Variants in SERTAD4 observed in about 807,000 individuals in gnomAD.
SERTAD4 encodes the protein SERTA domain containing 4.
Under a neutral mutation model 32.9 loss-of-function variants are expected in SERTAD4, and 18 were observed. The observed-to-expected ratio is 0.55, with a 90% CI of 0.38 to 0.81. The LOEUF (loss-of-function observed/expected upper bound fraction) is 0.81. Ranked by LOEUF, SERTAD4 falls within the 30% of genes least tolerant of loss-of-function variation. The pLI, the probability that SERTAD4 is intolerant of heterozygous loss-of-function variation, is 0.00. For missense variants in SERTAD4, 383 were observed against 426.0 expected (o/e 0.90, Z 0.89); for synonymous variants, 150 against 156.4 (o/e 0.96, Z 0.30).
At chr1:210,239,096 T>C (rs1208970693) in intron 2 of SERTAD4, among the ~76,000 whole-genome samples, 1 of 151,768 alleles carries the variant, frequency 6.6e-6, no homozygotes, top group African/African-American at 2.4e-5. Context: ...TTATCAGTGG[T>C]TACAGTTAAA....
chr1:210,238,577 C>T (rs1315869864), intron 2 of SERTAD4, among the ~76,000 whole-genome samples: 3 of 152,134 alleles, frequency 2.0e-5, no homozygotes, highest in Non-Finnish European at 2.9e-5. Flanking sequence ...TTTGTTAACC[C>T]ATTTATGCCC....
chr1:210,236,216 T>A lies in SERTAD4; in HGVS notation c.-17-1728T>A, dbSNP rs191094842. Among the ~76,000 whole-genome samples, 8 of 152,388 alleles carry A rather than the reference T, an allele frequency of 5.2e-5. No individual in the cohort carries two copies. In the East Asian group the frequency reaches 1.5e-3, roughly 29 times the overall value. On this transcript the variant is annotated intron_variant, in intron 1 of 3. Transcript: ENST00000367012. ...AAAATAAATGACATGTCCCATCGTT[T>A]CTTTGTAAAGATTTAATCGAACCTT...
In SERTAD4 at chr1:210,242,329, A is replaced by G. The variant is rs768868389; in HGVS notation, c.1063A>G (p.Lys355Glu). The G allele has an allele frequency of 3.2e-6, 5 of 1,564,530 alleles. No individual in the cohort carries two copies. The highest frequency in any genetic ancestry group is 2.0e-5 in the Admixed American group (1 of 50,446). ...CAAACTGTGCTGCAGCAAAGGAAGTAAAATATGAGCCATCTTCTCACCGAA... is the reference window on the plus strand; with the variant it reads ...CAAACTGTGCTGCAGCAAAGGAAGTGAAATATGAGCCATCTTCTCACCGAA... ...SNKLCCSKGS[K>E]I Residue 355 changes from lysine (K) to glutamate (E), a missense_variant, in exon 4 of 4, where the codon AAA becomes GAA. Around this residue, in one of 3 missense-constraint regions of SERTAD4, gnomAD observed 180 missense variants for 190.6 expected, o/e 0.94. Transcript: ENST00000367012. The surrounding 1 kb of genome is among the most constrained non-coding windows in gnomAD (Gnocchi z 4.0).
chr1:210,242,072 A>G lies in SERTAD4; in HGVS notation c.806A>G (p.Asn269Ser). 6.2e-7 allele frequency: 1 copy of G among 1,614,176 alleles called. No individual in the cohort carries two copies. The highest frequency in any genetic ancestry group is 8.5e-7 in the Non-Finnish European group (1 of 1,180,040). The change falls in exon 4 of 4, where the codon AAT (asparagine) becomes AGT (serine). Residue 269 changes from asparagine to serine, a missense_variant. Physicochemically the swap from Asn to Ser is conservative, Grantham distance 46 (BLOSUM62 1). Coordinates refer to ENST00000367012, the MANE Select transcript of SERTAD4 (RefSeq NM_019605.5). The surrounding 1 kb of genome is among the most constrained non-coding windows in gnomAD (Gnocchi z 4.0). ...CCTGCCAATGAAATCTTTGTCACTA[A>G]TGTCAGATCACTTGGTGTTCAGGAA... ...QIPANEIFVTNVRSLGVQEKA... is the reference protein window; with the variant it reads ...QIPANEIFVTSVRSLGVQEKA...
At position 210,242,702 on chromosome 1, in the gene SERTAD4, T is replaced by G. The variant is rs983054825; in HGVS notation, c.*365T>G. 8.8e-6 allele frequency: 9 copies of G among 1,019,768 alleles called. No individual in the cohort carries two copies. The highest frequency in any genetic ancestry group is 4.8e-4 in the Middle Eastern group (1 of 2,094). The allele number at this position is 1,019,768 out of a possible 1,614,324, so 63.2% of individuals were successfully genotyped here. A position where few individuals can be genotyped will look rare whatever the true frequency, so the allele number is the denominator to read the frequency against. ...AAATTTCTACATGTTTGCCAGTTAA[T>G]TAGGGAGTTATTTGGTAAGCAAATC... On this transcript the variant is annotated 3_prime_UTR_variant, in exon 4 of 4. Coordinates refer to ENST00000367012, the MANE Select transcript of SERTAD4 (RefSeq NM_019605.5). The surrounding 1 kb of genome is among the most constrained non-coding windows in gnomAD (Gnocchi z 4.0).
rs757669368 is a variant in SERTAD4 at position 210,242,089 on chromosome 1, G to A, written c.823G>A (p.Val275Ile). 12 of 1,614,164 alleles carry A rather than the reference G, an allele frequency of 7.4e-6. No individual in the cohort carries two copies. The highest frequency in any genetic ancestry group is 1.1e-5 in the South Asian group (1 of 91,080). ...TGTCACTAATGTCAGATCACTTGGT[G>A]TTCAGGAAAAGGCCAAATTAAATGA... ...IFVTNVRSLG[V>I]QEKAKLNDEK... Residue 275 changes from valine to isoleucine, a missense_variant, in exon 4 of 4, where the codon GTT (valine) becomes ATT (isoleucine). Val to Ile is a conservative substitution (Grantham distance 29). Around this residue, in one of 3 missense-constraint regions of SERTAD4, gnomAD observed 180 missense variants for 190.6 expected, o/e 0.94. Transcript: ENST00000367012. The surrounding 1 kb of genome is among the most constrained non-coding windows in gnomAD (Gnocchi z 4.0).
intron 1 of SERTAD4, among the ~76,000 whole-genome samples, chr1:210,234,680 T>C (rs767415144): frequency 6.6e-6 from 1 of 152,170 alleles, no homozygotes; most frequent in Non-Finnish European, 1.5e-5. Flanking sequence ...GGAATCAGAC[T>C]GCTAACTGCT....
rs894984775 is a variant in SERTAD4, at chr1:210,242,959, G to T, written c.*622G>T. On this transcript the variant is annotated 3_prime_UTR_variant, in exon 4 of 4. Coordinates refer to ENST00000367012, the MANE Select transcript of SERTAD4 (RefSeq NM_019605.5). The surrounding 1 kb of genome is among the most constrained non-coding windows in gnomAD (Gnocchi z 4.0). ...GGTATTCCCTGCAAGTTTCTGGCTT[G>T]CCTGTGATGGGTGATGAGGCTTTTA... The T allele has an allele frequency of 2.4e-5, 24 of 985,684 alleles. No individual in the cohort carries two copies. The South Asian group carries it at 6.6e-4, about 27-fold the overall frequency. 61.1% of individuals were successfully genotyped at this position (985,684 alleles called of 1,614,324 possible).
rs978670026 is a variant in SERTAD4, at chr1:210,244,992, TC to T, written c.*2657del. The T allele has an allele frequency of 7.7e-4, 117 of 152,306 alleles. 1 individual carries two copies. Among genetic ancestry groups the T allele is most frequent in the African/African-American group, 2.8e-3 (116 of 41,568 alleles). The allele number at this position is 152,306 out of a possible 1,614,324, so 9.4% of individuals were successfully genotyped here. A position where few individuals can be genotyped will look rare whatever the true frequency, so the allele number is the denominator to read the frequency against. ...GTTAGTAGGCGAGAGTGCTAGGACT[TC>T]CTGTGTTCACCTCCCATGCACCCAG... On this transcript the variant is annotated 3_prime_UTR_variant, in exon 4 of 4. Coordinates refer to ENST00000367012, the MANE Select transcript of SERTAD4 (RefSeq NM_019605.5).
At chr1:210,234,372 C>A (rs2083920401) in intron 1 of SERTAD4, among the ~76,000 whole-genome samples, 1 of 152,246 alleles carries the variant, frequency 6.6e-6, no homozygotes, top group Non-Finnish European at 1.5e-5. Flanking sequence ...GCACCTGCAG[C>A]CCCAACCACA....
chr1:210,235,008 A>G (rs2083927172), intron 1 of SERTAD4, among the ~76,000 whole-genome samples: 1 of 152,184 alleles, frequency 6.6e-6, no homozygotes, highest in African/African-American at 2.4e-5. Flanking sequence ...CTGGGTGTCA[A>G]AACAGACATT....
At chr1:210,233,221 C>T (rs1397939160) in intron 1 of SERTAD4, among the ~76,000 whole-genome samples, 2 of 151,976 alleles carry the variant, frequency 1.3e-5, no homozygotes, top group African/African-American at 2.4e-5. Flanking sequence ...CACAGCTGGG[C>T]GCGGAGGCGG....
In SERTAD4 at chr1:210,238,869, A is replaced by G. The variant is rs142348436; in HGVS notation, c.176-624A>G. 3.6e-3 allele frequency among the ~76,000 whole-genome samples: 545 copies of G among 152,326 alleles called. 1 individual carries two copies. The highest frequency in any genetic ancestry group is 6.6e-3 in the Non-Finnish European group (452 of 68,030). The stretch of plus-strand genomic sequence containing the variant: ...AACTAAAATATAAAACAAGTACTCA[A>G]TGAAGTCTGTTTTGCTAAAAAAGAT... On this transcript the variant is annotated intron_variant, in intron 2 of 3. Transcript: ENST00000367012.
rs558574385 is a variant in SERTAD4 at position 210,243,862 on chromosome 1, A to G, written c.*1525A>G. ...TTTTTATTATTGCTATTAATATTAA[A>G]TATAGGTCTCATTCATACAGTGTAT... is the stretch of plus-strand genomic sequence containing the variant. On this transcript the variant is annotated 3_prime_UTR_variant, in exon 4 of 4. Coordinates refer to ENST00000367012, the MANE Select transcript of SERTAD4 (RefSeq NM_019605.5). The G allele has an allele frequency of 1.3e-5, 2 of 152,204 alleles. No homozygotes were observed. Among genetic ancestry groups the G allele is most frequent in the South Asian group, 4.1e-4 (2 of 4,828 alleles). 9.4% of individuals were successfully genotyped at this position (152,204 alleles called of 1,614,324 possible).
intron 1 of SERTAD4, among the ~76,000 whole-genome samples, chr1:210,236,739 G>A (rs1049122065): frequency 6.6e-6 from 1 of 152,232 alleles, no homozygotes; most frequent in Non-Finnish European, 1.5e-5. Flanking sequence ...GACGTCACTT[G>A]TGTGACAGTT....
At position 210,241,757 on chromosome 1, in the gene SERTAD4, G is replaced by A. The variant is rs756216956; in HGVS notation, c.491G>A (p.Trp164Ter). The A allele has an allele frequency of 1.9e-6, 3 of 1,614,034 alleles. No homozygotes were observed. The highest frequency in any genetic ancestry group is 2.5e-6 in the Non-Finnish European group (3 of 1,180,002). Residue 164 changes from tryptophan (W) to a stop codon, truncating the protein, a stop_gained, in exon 4 of 4, where the codon TGG (tryptophan) becomes TAG (stop). Coordinates refer to ENST00000367012, the MANE Select transcript of SERTAD4 (RefSeq NM_019605.5). LOFTEE classifies it high-confidence loss of function. Reference sequence around the variant, plus strand: ...TTCAATGGCACCTCTGCCCAAGAGTGGTTTATGGCTCAAGACTGCCCTTAC... The same window carrying A: ...TTCAATGGCACCTCTGCCCAAGAGTAGTTTATGGCTCAAGACTGCCCTTAC... Reference protein sequence around the residue: ...CSFNGTSAQEWFMAQDCPYRK... With the variant: ...CSFNGTSAQE
Position 210,244,771 on chromosome 1 carries a change from G to A in SERTAD4, c.*2434G>A, listed in dbSNP as rs1056745123. The A allele has an allele frequency of 4.6e-5, 7 of 152,032 alleles. No individual in the cohort carries two copies. The highest frequency in any genetic ancestry group is 9.7e-5 in the African/African-American group (4 of 41,400). 9.4% of individuals were successfully genotyped at this position (152,032 alleles called of 1,614,324 possible). ...AGCAGCACTCACCTGAGCTGTGAGC[G>A]CCTGCACCTGTTCGGTAGAACCCAC... On this transcript the variant is annotated 3_prime_UTR_variant, in exon 4 of 4. Coordinates refer to ENST00000367012, the MANE Select transcript of SERTAD4 (RefSeq NM_019605.5).
Position 210,242,424 on chromosome 1 carries a change from T to C in SERTAD4, c.*87T>C, listed in dbSNP as rs1036779384. Reference sequence around the variant, plus strand: ...ATTTTGAATGGATTTTGTAGTTTTGTACAACAGATAAAATTATGCCATGAA... The same window carrying C: ...ATTTTGAATGGATTTTGTAGTTTTGCACAACAGATAAAATTATGCCATGAA... On this transcript the variant is annotated 3_prime_UTR_variant, in exon 4 of 4. Transcript: ENST00000367012. The surrounding 1 kb of genome is among the most constrained non-coding windows in gnomAD (Gnocchi z 4.0). 3 of 1,493,300 alleles carry C rather than the reference T, an allele frequency of 2.0e-6. No individual in the cohort carries two copies. The African/African-American group carries it at 4.2e-5, about 21-fold the overall frequency. 92.5% of individuals were successfully genotyped at this position (1,493,300 alleles called of 1,614,324 possible). A position where few individuals can be genotyped will look rare whatever the true frequency, so the allele number is the denominator to read the frequency against.
chr1:210,242,301 T>A lies in SERTAD4; in HGVS notation c.1035T>A (p.Ser345Arg), dbSNP rs1355830885. The A allele has an allele frequency of 6.2e-7, 1 of 1,600,496 alleles. No individual in the cohort carries two copies. The highest frequency in any genetic ancestry group is 8.5e-7 in the Non-Finnish European group (1 of 1,174,900). Residue 345 changes from serine (S) to arginine (R), a missense_variant, in exon 4 of 4, where the codon AGT becomes AGA. Physicochemically the swap from Ser to Arg is moderately radical, Grantham distance 110 (BLOSUM62 -1). Around this residue, in one of 3 missense-constraint regions of SERTAD4, gnomAD observed 180 missense variants for 190.6 expected, o/e 0.94. Coordinates refer to ENST00000367012, the MANE Select transcript of SERTAD4 (RefSeq NM_019605.5). The surrounding 1 kb of genome is among the most constrained non-coding windows in gnomAD (Gnocchi z 4.0). ...GGAAAAAGGAGGCTTCACCACCAAGTAACAAACTGTGCTGCAGCAAAGGAA... is the reference window on the plus strand; with the variant it reads ...GGAAAAAGGAGGCTTCACCACCAAGAAACAAACTGTGCTGCAGCAAAGGAA... The part of the protein sequence containing the change: ...SLRKKEASPP[S>R]NKLCCSKGSK...
Sources: gnomAD v4.1 joint callset for allele counts (sites outside exome capture counted in the v4.1 genomes callset) on GRCh38, gnomAD v4.1.1 for gene constraint, gnomAD v4.1.1 regional missense constraint, Gnocchi (gnomAD v3.1) non-coding constraint, MANE v1.5 for transcripts, NCBI Gene and HGNC (gene_info 2026-07-23, HGNC 2026-07-21) for gene names.